Variants in AFAP1 observed in about 807,000 individuals in gnomAD.
AFAP1 encodes the protein actin filament-associated protein 1.
A neutral mutation model predicts 93.9 loss-of-function variants in AFAP1; 75 were observed. The ratio of observed to expected loss-of-function variants is 0.80; its 90% confidence interval spans 0.66 to 0.97. The LOEUF (loss-of-function observed/expected upper bound fraction) is 0.97. Among genes scored for constraint, AFAP1 ranks in the 50% least tolerant of loss-of-function variants. The pLI is 0.00. For missense variants in AFAP1, 1,201 were observed against 1,050.8 expected, an observed-to-expected ratio of 1.14 and a Z score of -1.98; for synonymous variants, 517 against 430.7, an observed-to-expected ratio of 1.20 and a Z score of -2.48.
At chr4:7,764,601 T>C (rs1577165762) in intron 17 of AFAP1, among the ~76,000 whole-genome samples, 1 of 152,344 alleles carries the variant, frequency 6.6e-6, no homozygotes, top group South Asian at 2.1e-4. Flanking sequence ...TTTTTAAATA[T>C]GTAGATGCTT....
chr4:7,900,065 T>C (rs1719031869), intron 1 of AFAP1, among the ~76,000 whole-genome samples: 1 of 152,140 alleles, frequency 6.6e-6, no homozygotes, highest in African/African-American at 2.4e-5. Flanking sequence ...AAGGAGAACA[T>C]CCAACATGTA....
intron 14 of AFAP1, 64 bp downstream of exon 14, chr4:7,778,698 G>T (rs1577194729): frequency 6.6e-7 from 1 of 1,522,656 alleles, no homozygotes; most frequent in Non-Finnish European, 9.1e-7. Flanking sequence ...GGCAGGCTCA[G>T]ACAGGCCCAG....
intron 1 of AFAP1, among the ~76,000 whole-genome samples, chr4:7,873,480 C>T (rs1717245064): frequency 2.0e-5 from 3 of 146,894 alleles, no homozygotes. Flanking sequence ...TCCTGAGTAG[C>T]TGGGACTACA....
intron 3 of AFAP1, among the ~76,000 whole-genome samples, chr4:7,858,011 A>G (rs1260412587): frequency 6.6e-6 from 1 of 152,262 alleles, no homozygotes; most frequent in South Asian, 2.1e-4. Context: ...AAGGATGTTC[A>G]ATAAAAGTTT....
chr4:7,926,066 G>C (rs754616991), intron 1 of AFAP1, among the ~76,000 whole-genome samples: 1 of 152,100 alleles, frequency 6.6e-6, no homozygotes, highest in Non-Finnish European at 1.5e-5. Flanking sequence ...GCAAAATGTC[G>C]AGAAAAAGGC....
intron 1 of AFAP1, among the ~76,000 whole-genome samples, chr4:7,899,765 C>T (rs967060176): frequency 1.3e-5 from 2 of 151,960 alleles, no homozygotes; most frequent in Non-Finnish European, 2.9e-5. Context: ...CAGCAGGCTT[C>T]GAATATGTTT....
At chr4:7,772,537 G>A (rs577055099) in intron 16 of AFAP1, 4 of 333,788 alleles carry the variant, frequency 1.2e-5, no homozygotes, top group South Asian at 9.3e-5. Context: ...GAAGAGACAC[G>A]AGGACTGGAT....
intron 1 of AFAP1, among the ~76,000 whole-genome samples, chr4:7,937,986 C>T (rs562031667): frequency 8.5e-5 from 13 of 152,298 alleles, no homozygotes; most frequent in African/African-American, 2.9e-4. Context: ...TCTATCAGAG[C>T]ATTTTTCAAG....
At chr4:7,779,187 C>A in intron 13 of AFAP1, 1 of 334,482 alleles carries the variant, frequency 3.0e-6, no homozygotes, top group Non-Finnish European at 5.5e-6. Context: ...GCTGACTACC[C>A]CAGAGCACTC....
chr4:7,785,004 T>C (rs144898326), intron 12 of AFAP1, among the ~76,000 whole-genome samples: 38 of 152,322 alleles, frequency 2.5e-4, no homozygotes, highest in East Asian at 1.7e-3. Flanking sequence ...ATTTACTTTA[T>C]GTCTACCTTT....
At chr4:7,899,376 G>A (rs1718987267) in intron 1 of AFAP1, among the ~76,000 whole-genome samples, 1 of 152,182 alleles carries the variant, frequency 6.6e-6, no homozygotes, top group East Asian at 1.9e-4. Flanking sequence ...GTGGCTGGGT[G>A]AATGACGAGT....
chr4:7,854,664 A>G (rs1714843927), intron 4 of AFAP1, among the ~76,000 whole-genome samples: 1 of 152,240 alleles, frequency 6.6e-6, no homozygotes, highest in African/African-American at 2.4e-5. Context: ...TCAATGCACC[A>G]GGAGCCTCCT....
intron 5 of AFAP1, among the ~76,000 whole-genome samples, chr4:7,839,807 C>T (rs1483527209): frequency 1.3e-5 from 2 of 152,184 alleles, no homozygotes; most frequent in Non-Finnish European, 2.9e-5. Flanking sequence ...AGCATACCTC[C>T]TAACAGTCCA....
At chr4:7,931,059 C>T (rs1265784349) in intron 1 of AFAP1, among the ~76,000 whole-genome samples, 1 of 152,132 alleles carries the variant, frequency 6.6e-6, no homozygotes, top group African/African-American at 2.4e-5. Flanking sequence ...CTCACTATCA[C>T]AATAATTATA....
At chr4:7,866,131 A>C (rs1716371687) in intron 3 of AFAP1, among the ~76,000 whole-genome samples, 1 of 152,146 alleles carries the variant, frequency 6.6e-6, no homozygotes, top group African/African-American at 2.4e-5. Flanking sequence ...TCCTGACCTC[A>C]GGTGATCCAC....
At chr4:7,764,438 G>T (rs1020930357) in intron 17 of AFAP1, among the ~76,000 whole-genome samples, 3 of 152,214 alleles carry the variant, frequency 2.0e-5, no homozygotes, top group Admixed American at 6.5e-5. Flanking sequence ...GCTGGGGTGG[G>T]AAGTTTGGGA....
rs543349342 is a variant in AFAP1, at chr4:7,834,446, G to A, written c.726+4078C>T. Among the ~76,000 whole-genome samples, 8 of 152,216 alleles carry A rather than the reference G, an allele frequency of 5.3e-5. No individual in the cohort carries two copies. In the South Asian group the frequency reaches 8.3e-4, roughly 16 times the overall value. On this transcript the variant is annotated intron_variant, in intron 6 of 17. Transcript: ENST00000420658. Reference sequence around the variant, plus strand: ...GCTGTTGGGTGCACCAAAATCTCACGAATCAACACTAAAGAACTTACTCAT... The same window carrying A: ...GCTGTTGGGTGCACCAAAATCTCACAAATCAACACTAAAGAACTTACTCAT...
intron 11 of AFAP1, 118 bp downstream of exon 11, chr4:7,793,563 G>A (rs1718092279): frequency 8.6e-7 from 1 of 1,168,180 alleles, no homozygotes; most frequent in Non-Finnish European, 1.1e-6. Context: ...AATGCAAAAG[G>A]GAAAGTCTTT....
At chr4:7,820,621 C>G (rs1720891923) in intron 6 of AFAP1, among the ~76,000 whole-genome samples, 1 of 152,080 alleles carries the variant, frequency 6.6e-6, no homozygotes, top group Admixed American at 6.5e-5. Context: ...GAGAGAGAGA[C>G]AGCCGTGACT....
Sources: gnomAD v4.1 joint callset for allele counts (sites outside exome capture counted in the v4.1 genomes callset) on GRCh38, gnomAD v4.1.1 for gene constraint, MANE v1.5 for transcripts, NCBI Gene and HGNC (gene_info 2026-07-23, HGNC 2026-07-21) for gene names.